C9orf43: variants seen among roughly 807,000 people sequenced by gnomAD.
The protein encoded by C9orf43 is chromosome 9 open reading frame 43, also known as uncharacterized protein C9orf43.
C9orf43 carries 45 observed loss-of-function variants against 59.1 expected under a neutral mutation model. The ratio of observed to expected loss-of-function variants is 0.76; its 90% CI spans 0.60 to 0.98. C9orf43 has a LOEUF of 0.98. Ranked by LOEUF, C9orf43 falls within the 50% of genes least tolerant of loss-of-function variation. The pLI is 0.00. For synonymous variants in C9orf43, 203 were observed against 196.8 expected, an observed-to-expected ratio of 1.03 and a Z score of -0.26; for missense variants, 533 against 554.9, an observed-to-expected ratio of 0.96 and a Z score of 0.40.
At chr9:113,415,325 G>T (rs915117677) in intron 3 of C9orf43, among the ~76,000 whole-genome samples, 1 of 151,796 alleles carries the variant, frequency 6.6e-6, no homozygotes, top group Non-Finnish European at 1.5e-5. Context: ...TGGATTTTTT[G>T]TATAGACAGG....
intron 3 of C9orf43, among the ~76,000 whole-genome samples, chr9:113,417,806 A>G (rs1469400232): frequency 6.6e-6 from 1 of 152,210 alleles, no homozygotes; most frequent in African/African-American, 2.4e-5. Context: ...GGAATGGAAG[A>G]GTGGTCAGAG....
chr9:113,428,990 A>G (rs372736951), intron 13 of C9orf43, 27 bp downstream of exon 13: 2 of 1,594,708 alleles, frequency 1.3e-6, no homozygotes, highest in Non-Finnish European at 8.6e-7. Flanking sequence ...GAGGAACCTT[A>G]GTAAGTGACT....
At chr9:113,424,880 G>T (rs1262014889) in intron 8 of C9orf43, 139 bp from the exon 9 acceptor site, 2 of 676,024 alleles carry the variant, frequency 3.0e-6, no homozygotes, top group South Asian at 1.9e-5. Flanking sequence ...TTCCTCCGTA[G>T]CCCCTGGTAC....
chr9:113,420,687 A>G (rs572743167), intron 4 of C9orf43: 3 of 874,650 alleles, frequency 3.4e-6, no homozygotes, highest in East Asian at 2.4e-4. Context: ...GTCAGACTGT[A>G]AAAGAAAACA....
Position 113,428,846 on chromosome 9 carries a change from T to A in C9orf43, c.1108-54T>A. On this transcript the variant is annotated intron_variant, in intron 12 of 13. Transcript: ENST00000374165. ...AGAGAAGCATCTTTTAGAAAAATCCTTTTAGTTTCCTAAAGTCTTGATTCA... is the reference window on the plus strand; with the variant it reads ...AGAGAAGCATCTTTTAGAAAAATCCATTTAGTTTCCTAAAGTCTTGATTCA... The A allele has an allele frequency of 2.7e-6, 4 of 1,485,260 alleles. No individual in the cohort carries two copies. The South Asian group carries it at 3.4e-5, about 13-fold the overall frequency. The allele number at this position is 1,485,260 out of a possible 1,614,324, so 92.0% of individuals were successfully genotyped here. A position where few individuals can be genotyped will look rare whatever the true frequency, so the allele number is the denominator to read the frequency against.
intron 1 of C9orf43, among the ~76,000 whole-genome samples, chr9:113,412,041 T>C (rs1169371243): frequency 1.3e-5 from 2 of 152,200 alleles, no homozygotes; most frequent in Non-Finnish European, 2.9e-5. Flanking sequence ...CCCTGTAGTT[T>C]TCCTGCTTTC....
chr9:113,413,951 A>G, intron 3 of C9orf43, 57 bp downstream of exon 3: 1 of 1,537,502 alleles, frequency 6.5e-7, no homozygotes, highest in Non-Finnish European at 8.8e-7. Flanking sequence ...CTGGATTATG[A>G]TTTTCCTTAT....
intron 1 of C9orf43, 138 bp from the exon 2 acceptor site, chr9:113,413,307 C>T (rs1015516618): frequency 3.1e-5 from 23 of 737,164 alleles, no homozygotes; most frequent in African/African-American, 2.3e-4. Flanking sequence ...GCTTGTTATC[C>T]AATCTTTAAT....
chr9:113,420,978 T>C (rs914235175), intron 4 of C9orf43, 125 bp from the exon 5 acceptor site: 7 of 867,602 alleles, frequency 8.1e-6, no homozygotes, highest in Non-Finnish European at 1.2e-5. Context: ...ATTATGAAGA[T>C]ATCTTGAAGA....
intron 7 of C9orf43, among the ~76,000 whole-genome samples, chr9:113,423,930 T>C (rs563901985): frequency 6.6e-6 from 1 of 152,216 alleles, no homozygotes; most frequent in Non-Finnish European, 1.5e-5. Flanking sequence ...GGGAGTAATA[T>C]CTGTTCTCAG....
intron 8 of C9orf43, among the ~76,000 whole-genome samples, chr9:113,424,718 G>A (rs963586247): frequency 6.6e-6 from 1 of 151,966 alleles, no homozygotes; most frequent in East Asian, 1.9e-4. Context: ...TAGAGACAGG[G>A]TCTCACTATG....
At chr9:113,426,525 G>GA (rs1254001414) in intron 11 of C9orf43, among the ~76,000 whole-genome samples, 9 of 152,276 alleles carry the variant, frequency 5.9e-5, no homozygotes, top group African/African-American at 1.9e-4. Flanking sequence ...CTGGGGCACT[G>GA]GGAGGGCTGA....
At position 113,413,493 on chromosome 9, in the gene C9orf43, T is replaced by C. The variant is rs759778993; in HGVS notation, c.-1T>C. The C allele has an allele frequency of 1.9e-6, 3 of 1,611,648 alleles. No individual in the cohort carries two copies. The highest frequency in any genetic ancestry group is 2.2e-5 in the East Asian group (1 of 44,770). On this transcript the variant is annotated 5_prime_UTR_variant, in exon 2 of 14. Transcript: ENST00000374165. The stretch of plus-strand genomic sequence containing the variant: ...GCCTTTGGCCTAAACCATTTCTAGC[T>C]ATGGACTTGCCAGATGAGAGCCAGT...
intron 4 of C9orf43, 22 bp from the exon 5 acceptor site, chr9:113,421,081 A>G (rs1554746391): frequency 6.4e-7 from 1 of 1,573,810 alleles, no homozygotes; most frequent in South Asian, 1.1e-5. Flanking sequence ...AGCCATACAT[A>G]GGCTTTATAT....
intron 6 of C9orf43, 41 bp downstream of exon 6, chr9:113,422,626 A>G (rs748242419): frequency 1.2e-6 from 2 of 1,607,712 alleles, no homozygotes; most frequent in East Asian, 4.5e-5. Context: ...TAATATTGCT[A>G]TGTAGAGTTT....
chr9:113,426,355 T>TA (rs1828791894), intron 11 of C9orf43, among the ~76,000 whole-genome samples: 1 of 152,210 alleles, frequency 6.6e-6, no homozygotes, highest in African/African-American at 2.4e-5. Context: ...GGCATATACT[T>TA]ACCCCTATCC....
chr9:113,422,513 G>T, intron 5 of C9orf43, 36 bp from the exon 6 acceptor site: 1 of 1,609,918 alleles, frequency 6.2e-7, no homozygotes, highest in Non-Finnish European at 8.5e-7. Flanking sequence ...CAGCTGAGAA[G>T]CATGTTTTGT....
chr9:113,413,864 G>A lies in C9orf43; in HGVS notation c.257G>A (p.Ser86Asn), dbSNP rs558548983. Reference sequence around the variant, plus strand: ...AAGGCCCATTCTTTATTGTCTCAGAGTTCAAAGTTTTACTCCAAATTTCAT... The same window carrying A: ...AAGGCCCATTCTTTATTGTCTCAGAATTCAAAGTTTTACTCCAAATTTCAT... ...FTKAHSLLSQSSKFYSKFHGR... is the reference protein window; with the variant it reads ...FTKAHSLLSQNSKFYSKFHGR... The change falls in exon 3 of 14, where the codon AGT becomes AAT. Residue 86 changes from serine (S) to asparagine (N), a missense_variant. Coordinates refer to ENST00000374165, the MANE Select transcript of C9orf43 (RefSeq NM_001278629.2). The A allele has an allele frequency of 9.3e-6, 15 of 1,611,738 alleles. No individual in the cohort carries two copies. The South Asian group carries it at 1.4e-4, about 15-fold the overall frequency.
chr9:113,421,332 C>T (rs1828563308), intron 5 of C9orf43, 129 bp downstream of exon 5: 3 of 658,672 alleles, frequency 4.6e-6, no homozygotes, highest in South Asian at 1.8e-5. Flanking sequence ...CAGAGAAGGT[C>T]GTGGTCTGTT....
Sources: allele counts gnomAD v4.1 joint callset (sites outside exome capture counted in the v4.1 genomes callset), GRCh38; gene constraint gnomAD v4.1.1; transcripts MANE v1.5; gene names NCBI Gene and HGNC (gene_info 2026-07-23, HGNC 2026-07-21).